DHX34: variants seen among roughly 807,000 people sequenced by gnomAD.
DHX34 encodes probable ATP-dependent RNA helicase DHX34.
DHX34 carries 96 observed loss-of-function variants against 111.1 expected under a neutral mutation model. The ratio of observed to expected loss-of-function variants is 0.86; its 90% confidence interval spans 0.73 to 1.02. The LOEUF is 1.02. DHX34 is among the 50% of genes least tolerant of loss of function. The probability of loss-of-function intolerance (pLI) is 0.00; values close to 1 mark genes in which losing one functional copy is unlikely to be tolerated. For missense variants in DHX34, 1,560 were observed against 1,579.9 expected, an observed-to-expected ratio of 0.99 and a Z score of 0.21; for synonymous variants, 688 against 670.4, an observed-to-expected ratio of 1.03 and a Z score of -0.41.
chr19:47,354,999 C>A (rs1163079675), intron 2 of DHX34, 40 bp from the exon 3 acceptor site: 1 of 1,600,042 alleles, frequency 6.2e-7, no homozygotes, highest in South Asian at 1.1e-5. Context: ...GGTACCCAGG[C>A]TCAGGGTCCT....
In DHX34 at chr19:47,382,675, TAAAA is replaced by T. The variant is rs1015958132; in HGVS notation, c.*566_*569del. The T allele has an allele frequency of 6.6e-6, 1 of 152,234 alleles. No individual in the cohort carries two copies. The highest frequency in any genetic ancestry group is 1.5e-5 in the Non-Finnish European group (1 of 68,102). 9.4% of individuals were successfully genotyped at this position (152,234 alleles called of 1,614,324 possible). The stretch of plus-strand genomic sequence containing the variant: ...CGGGCATGGTTGCTCACTCCCGTAA[TAAAA>T]AAATAAAAGAACAGGCTGAGCCGGG... On this transcript the variant is annotated 3_prime_UTR_variant, in exon 17 of 17. Transcript: ENST00000328771.
intron 7 of DHX34, among the ~76,000 whole-genome samples, chr19:47,368,180 C>T (rs1456299864): frequency 1.3e-5 from 2 of 150,706 alleles, no homozygotes; most frequent in East Asian, 3.9e-4. Flanking sequence ...TACAGAGGCC[C>T]TGTGGGGGCA....
In DHX34 at chr19:47,377,646, G is replaced by T. The variant is rs190490487; in HGVS notation, c.2706+440G>T. Among the ~76,000 whole-genome samples the T allele has an allele frequency of 8.7e-5, 7 of 80,218 alleles. No individual in the cohort carries two copies. In the Admixed American group the frequency reaches 1.1e-3, roughly 12 times the overall value. 52.6% of individuals were successfully genotyped at this position (80,218 alleles called of 152,430 possible). ...CTCGGGGCAGAGTGTTCCAGGCAGTGGGGTGGCCTGCACAGAGGCTCCGAG... is the reference window on the plus strand; with the variant it reads ...CTCGGGGCAGAGTGTTCCAGGCAGTTGGGTGGCCTGCACAGAGGCTCCGAG... On this transcript the variant is annotated intron_variant, in intron 13 of 16. Transcript: ENST00000328771.
At chr19:47,370,794 A>C (rs1464910095) in intron 7 of DHX34, among the ~76,000 whole-genome samples, 1 of 152,190 alleles carries the variant, frequency 6.6e-6, no homozygotes, top group Non-Finnish European at 1.5e-5. Context: ...CTCCCACCTC[A>C]GCCTCCTGAG....
intron 6 of DHX34, among the ~76,000 whole-genome samples, chr19:47,363,901 C>G (rs182056548): frequency 9.2e-5 from 14 of 151,736 alleles, no homozygotes; most frequent in Admixed American, 9.2e-4. Flanking sequence ...TAACAGGAAA[C>G]CTAGCAGGAA....
rs757155511 is a variant in DHX34, at chr19:47,376,868, G to A, written c.2600-232G>A. The A allele has an allele frequency of 8.8e-4, 1,343 of 1,532,864 alleles. 2 individuals carry two copies. Among genetic ancestry groups the A allele is most frequent in the Admixed American group, 1.5e-3 (77 of 50,912 alleles). 95.0% of individuals were successfully genotyped at this position (1,532,864 alleles called of 1,614,324 possible). A position where few individuals can be genotyped will look rare whatever the true frequency, so the allele number is the denominator to read the frequency against. On this transcript the variant is annotated intron_variant, in intron 12 of 16. Transcript: ENST00000328771. Reference sequence around the variant, plus strand: ...GAGCTCCCAGGTGGGTCCTGCAGAGGGAGGCCCCCCTGGCACCCGTGTGCA... The same window carrying A: ...GAGCTCCCAGGTGGGTCCTGCAGAGAGAGGCCCCCCTGGCACCCGTGTGCA...
Position 47,355,184 on chromosome 19 carries a change from G to A in DHX34, c.851G>A (p.Arg284Gln), listed in dbSNP as rs576718933. 24 of 1,614,120 alleles carry A rather than the reference G, an allele frequency of 1.5e-5. No homozygotes were observed. The East Asian group carries it at 1.6e-4, about 10-fold the overall frequency. Reference sequence around the variant, plus strand: ...CTGATTGTGGATGAAGTCCATGAGCGGCATCTCCACAACGATTTCCTCCTG... The same window carrying A: ...CTGATTGTGGATGAAGTCCATGAGCAGCATCTCCACAACGATTTCCTCCTG... ...EVLIVDEVHE[R>Q]HLHNDFLLGV... is the part of the protein sequence containing the mutation. The change falls in exon 3 of 17, where the codon CGG (arginine) becomes CAG (glutamine). Residue 284 changes from arginine to glutamine, a missense_variant. Arg to Gln is a conservative substitution (Grantham distance 43). Coordinates refer to ENST00000328771, the MANE Select transcript of DHX34 (RefSeq NM_014681.6).
At chr19:47,377,349 GGCT>G (rs952916379) in intron 13 of DHX34, 143 bp downstream of exon 13, 84 of 849,484 alleles carry the variant, frequency 9.9e-5, no homozygotes, top group Admixed American at 5.7e-4. Context: ...CCGTTGCTGT[GGCT>G]GCTTTTTCTC....
In DHX34 at chr19:47,353,207, G is replaced by C. The variant is rs752571229; in HGVS notation, c.177G>C (p.Lys59Asn). The change falls in exon 2 of 17, where the codon AAG becomes AAC. Residue 59 changes from lysine to asparagine, a missense_variant. Lys to Asn is a moderately conservative substitution (Grantham distance 94). Coordinates refer to ENST00000328771, the MANE Select transcript of DHX34 (RefSeq NM_014681.6). The surrounding 1 kb of genome is among the most constrained non-coding windows in gnomAD (Gnocchi z 4.6). ...GTCAGGGTTCTGAGGAATGTCAGAA[G>C]TTTTGGACCTTCTTTGAACGCCTGC... is the stretch of plus-strand genomic sequence containing the variant. The part of the protein sequence containing the change: ...YIRQGSEECQ[K>N]FWTFFERLQR... The C allele has an allele frequency of 6.2e-7, 1 of 1,614,192 alleles. No homozygotes were observed. The highest frequency in any genetic ancestry group is 1.1e-5 in the South Asian group (1 of 91,086).
At chr19:47,377,384 A>G (rs957325484) in intron 13 of DHX34, among the ~76,000 whole-genome samples, 178 bp downstream of exon 13, 1 of 152,174 alleles carries the variant, frequency 6.6e-6, no homozygotes, top group Non-Finnish European at 1.5e-5. Context: ...CTTGCTCAAC[A>G]GTTAACCTGC....
intron 11 of DHX34, 27 bp from the exon 12 acceptor site, chr19:47,376,416 C>T: frequency 1.2e-6 from 2 of 1,602,656 alleles, no homozygotes; most frequent in East Asian, 2.3e-5. Context: ...GATAGGAGGG[C>T]TTGTGCTTTC....
intron 6 of DHX34, among the ~76,000 whole-genome samples, chr19:47,364,234 T>A (rs1288372519): frequency 6.6e-6 from 1 of 152,100 alleles, no homozygotes; most frequent in Non-Finnish European, 1.5e-5. Flanking sequence ...TCACCACTCC[T>A]GGTCAGTCCT....
At chr19:47,354,018 A>G (rs888323822) in intron 2 of DHX34, among the ~76,000 whole-genome samples, 40 of 152,098 alleles carry the variant, frequency 2.6e-4, no homozygotes, top group Admixed American at 2.1e-3. Flanking sequence ...GCTGGAGTGC[A>G]TTGGTGCGAT....
At position 47,375,625 on chromosome 19, in the gene DHX34, C is replaced by T. The variant is rs1476699725; in HGVS notation, c.2224C>T (p.Gln742Ter). Residue 742 changes from glutamine to a stop codon, truncating the protein, a stop_gained, in exon 10 of 17, where the codon CAG becomes TAG. Coordinates refer to ENST00000328771, the MANE Select transcript of DHX34 (RefSeq NM_014681.6). LOFTEE classifies it high-confidence loss of function. ...AGRRRKVLRL[Q>*]EEQDGGSSDE... ...GCGCAGGCGCAAGGTGCTGCGGCTG[C>T]AGGAGGAGCAGGACGGCGGCTCCAG... 6.4e-7 allele frequency: 1 copy of T among 1,551,218 alleles called. No homozygotes were observed. Among genetic ancestry groups the T allele is most frequent in the South Asian group, 1.2e-5 (1 of 85,312 alleles).
rs113804987 is a variant in DHX34 at position 47,353,249 on chromosome 19, C to T, written c.219C>T (p.Leu73=). 1.2e-5 allele frequency: 20 copies of T among 1,614,172 alleles called. No individual in the cohort carries two copies. The highest frequency in any genetic ancestry group is 3.3e-4 in the Middle Eastern group (2 of 6,062). The change falls in exon 2 of 17, where the codon CTC becomes CTT. Residue 73 remains leucine (L), a synonymous_variant. Transcript: ENST00000328771. This position sits in a 1 kb window ranked among gnomAD's most constrained non-coding sequence, Gnocchi z 4.6. ...FFERLQRFQN[L]KTSRKEEKDP... ...AACGCCTGCAGAGATTCCAGAATCT[C>T]AAGACCTCCAGGAAGGAGGAGAAAG...
chr19:47,380,787 C>G (rs202003334), intron 14 of DHX34, 29 bp from the exon 15 acceptor site: 53 of 1,612,840 alleles, frequency 3.3e-5, no homozygotes, highest in East Asian at 8.9e-5. Context: ...GAGTCTGTCT[C>G]TCTCCATTTC....
chr19:47,356,519 A>G (rs539250678), intron 3 of DHX34, among the ~76,000 whole-genome samples: 2 of 152,038 alleles, frequency 1.3e-5, no homozygotes, highest in East Asian at 3.9e-4. Context: ...AATCCCAGCT[A>G]CTTGGAAGGC....
intron 7 of DHX34, among the ~76,000 whole-genome samples, chr19:47,370,476 C>T (rs1341971203): frequency 6.6e-6 from 1 of 152,200 alleles, no homozygotes; most frequent in Admixed American, 6.6e-5. Flanking sequence ...GCTTGTTCAT[C>T]TTGCCTGATT....
intron 16 of DHX34, 163 bp from the exon 17 acceptor site, chr19:47,381,817 C>T: frequency 3.1e-6 from 3 of 966,278 alleles, no homozygotes; most frequent in Non-Finnish European, 3.7e-6. Flanking sequence ...AAAGACAGAC[C>T]TGTGTATTTT....
Sources: allele counts gnomAD v4.1 joint callset (sites outside exome capture counted in the v4.1 genomes callset), GRCh38; gene constraint gnomAD v4.1.1; non-coding constraint Gnocchi (gnomAD v3.1); transcripts MANE v1.5; gene names NCBI Gene and HGNC (gene_info 2026-07-23, HGNC 2026-07-21).